Variants in DACH2 observed in about 807,000 individuals in gnomAD.
DACH2 encodes dachshund family transcription factor 2.
Under a neutral mutation model 35.8 loss-of-function variants are expected in DACH2, and 17 were observed. That is an observed-to-expected ratio of 0.48 (90% CI 0.33 to 0.71). The LOEUF is 0.71. Among genes scored for constraint, DACH2 ranks in the 30% least tolerant of loss-of-function variants. The pLI is 0.02. For missense variants in DACH2, 469 were observed against 472.7 expected (o/e 0.99, Z 0.07); for synonymous variants, 195 against 177.3 (o/e 1.10, Z -0.79).
At chrX:86,774,639 T>A (rs1323073768) in intron 7 of DACH2, among the ~76,000 whole-genome samples, 2 of 112,000 alleles carry the variant, frequency 1.8e-5, no homozygotes, top group African/African-American at 6.5e-5. Flanking sequence ...CTGAACACAA[T>A]GGTTCGGATC....
At chrX:86,609,331 G>A (rs1210404322) in intron 3 of DACH2, among the ~76,000 whole-genome samples, 1 of 111,822 alleles carries the variant, frequency 8.9e-6, no homozygotes, top group African/African-American at 3.2e-5. Flanking sequence ...TTCAATGCAT[G>A]TGTTAAATTA....
At chrX:86,535,130 T>C (rs1569431652) in intron 3 of DACH2, among the ~76,000 whole-genome samples, 1 of 111,917 alleles carries the variant, frequency 8.9e-6, no homozygotes, top group Non-Finnish European at 1.9e-5. Context: ...TTTTATGTTT[T>C]TTTAGGCAGA....
chrX:86,788,408 G>A (rs764143310), intron 7 of DACH2, among the ~76,000 whole-genome samples: 3 of 110,947 alleles, frequency 2.7e-5, no homozygotes, highest in Non-Finnish European at 5.7e-5. Context: ...TGACATTCCT[G>A]GTGGGGTGTG....
At chrX:86,301,761 G>T (rs184340166) in intron 1 of DACH2, among the ~76,000 whole-genome samples, 16 of 112,046 alleles carry the variant, frequency 1.4e-4, no homozygotes, top group African/African-American at 5.2e-4. Flanking sequence ...TTGATACATG[G>T]TTGGAATTTT....
intron 2 of DACH2, among the ~76,000 whole-genome samples, chrX:86,444,897 G>A (rs956354556): frequency 8.1e-5 from 9 of 110,708 alleles, no homozygotes; most frequent in Non-Finnish European, 1.3e-4. Flanking sequence ...TAGTGGTTTG[G>A]GAGTTGTTTA....
chrX:86,310,036 C>A (rs5968872), intron 1 of DACH2, among the ~76,000 whole-genome samples: 53,125 of 111,019 alleles, frequency 0.48, 9,673 homozygotes, highest in Non-Finnish European at 0.58. Flanking sequence ...GGAATCACAG[C>A]AAAGGCCTCT....
chrX:86,794,333 C>T (rs1376170884), intron 7 of DACH2, among the ~76,000 whole-genome samples: 1 of 110,451 alleles, frequency 9.1e-6, no homozygotes, highest in Non-Finnish European at 1.9e-5. Flanking sequence ...TAAGACCATT[C>T]TTTTATTACA....
chrX:86,681,404 C>A, intron 4 of DACH2, among the ~76,000 whole-genome samples: 1 of 110,075 alleles, frequency 9.1e-6, no homozygotes, highest in African/African-American at 3.3e-5. Flanking sequence ...AACAGTGAGA[C>A]CCCATCTCTA....
chrX:86,426,564 T>C (rs1461661947), intron 2 of DACH2, among the ~76,000 whole-genome samples: 2 of 111,886 alleles, frequency 1.8e-5, no homozygotes, highest in African/African-American at 6.5e-5. Flanking sequence ...GCGATATACT[T>C]TTTCCCATTT....
intron 2 of DACH2, among the ~76,000 whole-genome samples, chrX:86,445,252 G>T (rs1340865744): frequency 9.7e-6 from 1 of 103,237 alleles, no homozygotes; most frequent in South Asian, 4.4e-4. Context: ...GTAAACTATC[G>T]CAAGAACAAT....
At chrX:86,707,912 T>TACAAAAAAAAAAAAAAAAAAAAAAAA (rs2041235133) in intron 5 of DACH2, among the ~76,000 whole-genome samples, 1 of 34,579 alleles carries the variant, frequency 2.9e-5, no homozygotes, top group Non-Finnish European at 4.5e-5. Context: ...AGACTCCATC[T>TACAAAAAAAAAAAAAAAAAAAAAAAA]AAAAAAAAAA....
chrX:86,193,161 A>G (rs776967913), intron 1 of DACH2, among the ~76,000 whole-genome samples: 1 of 111,790 alleles, frequency 8.9e-6, no homozygotes, highest in Admixed American at 9.5e-5. Context: ...TGAATTAGAG[A>G]AAGATAATGT....
chrX:86,441,561 G>T (rs2037162958), intron 2 of DACH2, among the ~76,000 whole-genome samples: 1 of 106,569 alleles, frequency 9.4e-6, no homozygotes, highest in African/African-American at 3.4e-5. Context: ...ATGAACACAA[G>T]TTGATTCCAT....
intron 1 of DACH2, among the ~76,000 whole-genome samples, chrX:86,287,873 C>G (rs975782094): frequency 8.9e-6 from 1 of 112,071 alleles, no homozygotes; most frequent in Non-Finnish European, 1.9e-5. Context: ...CTCTGTTTTT[C>G]CAGTTTTTGT....
In DACH2 at chrX:86,768,513, C is replaced by T. The variant is rs907955982; in HGVS notation, c.1240+28631C>T. On this transcript the variant is annotated intron_variant, in intron 7 of 11. Coordinates refer to ENST00000373125, the MANE Select transcript of DACH2 (RefSeq NM_053281.3). Reference sequence around the variant, plus strand: ...AATTATCTCATCATGTTTAATAATTCGAAAGCGATTCATGGATTTTTTTGT... The same window carrying T: ...AATTATCTCATCATGTTTAATAATTTGAAAGCGATTCATGGATTTTTTTGT... Among the ~76,000 whole-genome samples, 5 of 111,172 alleles carry T rather than the reference C, an allele frequency of 4.5e-5. No individual in the cohort carries two copies. In the East Asian group the frequency reaches 8.4e-4, roughly 19 times the overall value.
At chrX:86,655,908 A>G (rs2040533339) in intron 4 of DACH2, among the ~76,000 whole-genome samples, 1 of 111,126 alleles carries the variant, frequency 9.0e-6, no homozygotes, top group Non-Finnish European at 1.9e-5. Flanking sequence ...GGACATCAGA[A>G]AAAAAGTGCA....
intron 1 of DACH2, among the ~76,000 whole-genome samples, chrX:86,268,449 A>G (rs370702212): frequency 4.2e-4 from 47 of 111,493 alleles, no homozygotes; most frequent in East Asian, 3.6e-3. Context: ...TGGGAAATCA[A>G]AAGTGAATCT....
intron 1 of DACH2, among the ~76,000 whole-genome samples, chrX:86,173,261 G>A (rs932497138): frequency 3.6e-5 from 4 of 112,097 alleles, no homozygotes; most frequent in South Asian, 7.5e-4. Context: ...GACCTCTTCC[G>A]TTGAAAAAGA....
intron 5 of DACH2, among the ~76,000 whole-genome samples, chrX:86,699,013 A>G (rs193213556): frequency 1.8e-5 from 2 of 111,402 alleles, no homozygotes; most frequent in East Asian, 2.8e-4. Context: ...CAACAAGAAG[A>G]TATTACATTC....
Sources: allele counts gnomAD v4.1 joint callset (sites outside exome capture counted in the v4.1 genomes callset), GRCh38; gene constraint gnomAD v4.1.1; transcripts MANE v1.5; gene names NCBI Gene and HGNC (gene_info 2026-07-23, HGNC 2026-07-21).